LPP: variants seen among roughly 807,000 people sequenced by gnomAD.
The protein encoded by LPP is lipoma-preferred partner.
In LPP, 38 loss-of-function variants were observed where a neutral mutation model predicts 60.4. The observed-to-expected ratio is 0.63, with a 90% CI of 0.49 to 0.83. LPP has a LOEUF of 0.83. Ranked by LOEUF, LPP falls within the 40% of genes least tolerant of loss-of-function variation. The pLI, the probability that LPP is intolerant of heterozygous loss-of-function variation, is 0.00. For missense variants in LPP, 902 were observed against 783.6 expected, an observed-to-expected ratio of 1.15 and a Z score of -1.80; for synonymous variants, 328 against 290.8, an observed-to-expected ratio of 1.13 and a Z score of -1.30.
At chr3:188,850,023 A>G (rs903404186) in intron 9 of LPP, among the ~76,000 whole-genome samples, 1 of 152,242 alleles carries the variant, frequency 6.6e-6, no homozygotes, top group African/African-American at 2.4e-5. Context: ...AGAACTTTTT[A>G]AAAGTTATGG....
At chr3:188,347,699 C>T (rs1033918433) in intron 3 of LPP, among the ~76,000 whole-genome samples, 2 of 152,162 alleles carry the variant, frequency 1.3e-5, no homozygotes, top group African/African-American at 4.8e-5. Context: ...TTGGATGCTG[C>T]CAAATTGTGA....
chr3:188,204,432 G>C (rs1319776002), intron 1 of LPP, among the ~76,000 whole-genome samples: 1 of 152,030 alleles, frequency 6.6e-6, no homozygotes, highest in African/African-American at 2.4e-5. Context: ...AGGGCAACAG[G>C]GAATCTTGCA....
At chr3:188,858,909 G>A (rs1764486590) in intron 9 of LPP, among the ~76,000 whole-genome samples, 1 of 151,852 alleles carries the variant, frequency 6.6e-6, no homozygotes, top group Admixed American at 6.6e-5. Flanking sequence ...GGCCAACATG[G>A]TGAAACCCTG....
intron 2 of LPP, among the ~76,000 whole-genome samples, chr3:188,301,846 A>G (rs576478559): frequency 3.4e-4 from 51 of 152,010 alleles, no homozygotes; most frequent in Non-Finnish European, 5.1e-4. Context: ...TTTTAAAGAC[A>G]GTATTTTGCC....
At chr3:188,612,870 A>G (rs1844011741) in intron 7 of LPP, among the ~76,000 whole-genome samples, 1 of 152,164 alleles carries the variant, frequency 6.6e-6, no homozygotes, top group African/African-American at 2.4e-5. Flanking sequence ...AATATGATAT[A>G]GTAAAAAAGA....
At chr3:188,696,958 T>G (rs948016954) in intron 7 of LPP, among the ~76,000 whole-genome samples, 1 of 152,244 alleles carries the variant, frequency 6.6e-6, no homozygotes, top group Non-Finnish European at 1.5e-5. Flanking sequence ...ACACTGCTCG[T>G]GTACTCTAGA....
intron 4 of LPP, among the ~76,000 whole-genome samples, chr3:188,410,526 A>G (rs562910295): frequency 6.6e-6 from 1 of 152,296 alleles, no homozygotes; most frequent in Non-Finnish European, 1.5e-5. Context: ...GCACACTGAA[A>G]AGTGGGGCAT....
At chr3:188,747,666 C>T (rs1328000803) in intron 8 of LPP, among the ~76,000 whole-genome samples, 1 of 152,078 alleles carries the variant, frequency 6.6e-6, no homozygotes, top group Admixed American at 6.6e-5. Context: ...GGAAGTATTA[C>T]CTAAAAGTAA....
rs757981493 is a variant in LPP at position 188,760,272 on chromosome 3, C to G, written c.1400C>G (p.Pro467Arg). The change falls in exon 9 of 12, where the codon CCC becomes CGC. Residue 467 changes from proline to arginine, a missense_variant. Pro to Arg is a moderately radical substitution (Grantham distance 103). Transcript: ENST00000617246. The part of the protein sequence containing the change: ...YAVEKKAYCE[P>R]CYINTLEQCN... ...GTGGAAAAGAAAGCATACTGCGAGC[C>G]CTGCTACATTGTAAGTTCCAGATTT... The G allele has an allele frequency of 1.9e-6, 3 of 1,613,960 alleles. No homozygotes were observed. The highest frequency in any genetic ancestry group is 2.5e-6 in the Non-Finnish European group (3 of 1,179,974).
chr3:188,328,936 G>A lies in LPP; in HGVS notation c.-66-12727G>A, dbSNP rs193250226. Among the ~76,000 whole-genome samples the A allele has an allele frequency of 1.8e-4, 27 of 152,228 alleles. No individual in the cohort carries two copies. The East Asian group carries it at 5.2e-3, about 29-fold the overall frequency. ...TTAAAGAGAGTCTTAAGTGAAACTGGCTCCCTGTCCCGCTTATTGTATGTG... is the reference window on the plus strand; with the variant it reads ...TTAAAGAGAGTCTTAAGTGAAACTGACTCCCTGTCCCGCTTATTGTATGTG... On this transcript the variant is annotated intron_variant, in intron 2 of 11. Transcript: ENST00000617246.
intron 2 of LPP, among the ~76,000 whole-genome samples, chr3:188,339,992 A>G (rs1042668336): frequency 2.0e-5 from 3 of 152,224 alleles, no homozygotes; most frequent in African/African-American, 7.2e-5. Context: ...TCACTTGCTA[A>G]TAAAGCAGAA....
intron 1 of LPP, chr3:188,179,876 G>A (rs1724400841): frequency 4.0e-6 from 1 of 249,082 alleles, no homozygotes; most frequent in Non-Finnish European, 8.0e-6. Context: ...TCTTTTGCAT[G>A]GCATCTGTGC....
At chr3:188,714,410 G>A (rs1404093854) in intron 8 of LPP, among the ~76,000 whole-genome samples, 1 of 152,122 alleles carries the variant, frequency 6.6e-6, no homozygotes, top group East Asian at 1.9e-4. Flanking sequence ...CATGGCTGAG[G>A]TACATACATT....
At chr3:188,155,337 C>T (rs1273690080) in intron 1 of LPP, among the ~76,000 whole-genome samples, 2 of 152,176 alleles carry the variant, frequency 1.3e-5, no homozygotes, top group African/African-American at 2.4e-5. Context: ...ACTGTGTTTC[C>T]AGTCCCCTTT....
intron 2 of LPP, among the ~76,000 whole-genome samples, chr3:188,259,187 A>C (rs1274138882): frequency 6.6e-6 from 1 of 152,140 alleles, no homozygotes; most frequent in Non-Finnish European, 1.5e-5. Context: ...TTGCTAATTT[A>C]ATTTACTATT....
chr3:188,640,012 T>G (rs1167904789), intron 7 of LPP, among the ~76,000 whole-genome samples: 1 of 152,062 alleles, frequency 6.6e-6, no homozygotes, highest in African/African-American at 2.4e-5. Flanking sequence ...GCCATCCCAT[T>G]ACTGGGTATA....
intron 2 of LPP, among the ~76,000 whole-genome samples, chr3:188,241,540 T>C (rs2149470633): frequency 6.6e-6 from 1 of 152,360 alleles, no homozygotes; most frequent in East Asian, 1.9e-4. Context: ...CTAATTTGTT[T>C]CCTGCTTGTA....
chr3:188,820,865 A>G (rs1753774686), intron 9 of LPP, among the ~76,000 whole-genome samples: 1 of 152,202 alleles, frequency 6.6e-6, no homozygotes, highest in Admixed American at 6.5e-5. Flanking sequence ...AGAAGTTAGT[A>G]TACGAAACTT....
At chr3:188,538,323 A>T (rs1163397095) in intron 6 of LPP, among the ~76,000 whole-genome samples, 1 of 152,228 alleles carries the variant, frequency 6.6e-6, no homozygotes, top group Admixed American at 6.5e-5. Context: ...TATATCTGGA[A>T]TATATTAAGA....
Sources: gnomAD v4.1 joint callset for allele counts (sites outside exome capture counted in the v4.1 genomes callset) on GRCh38, gnomAD v4.1.1 for gene constraint, MANE v1.5 for transcripts, NCBI Gene and HGNC (gene_info 2026-07-23, HGNC 2026-07-21) for gene names.